The following LGR6 variants were observed in gnomAD, a reference collection of about 807,000 sequenced individuals.
LGR6 encodes the protein leucine rich repeat containing G protein-coupled receptor 6.
In LGR6, 45 loss-of-function variants were observed where a neutral mutation model predicts 69.4. The observed-to-expected ratio is 0.65, with a 90% CI of 0.51 to 0.83. The LOEUF (loss-of-function observed/expected upper bound fraction) is 0.83, where lower values mean the gene tolerates loss of function less well. Among genes scored for constraint, LGR6 ranks in the 40% least tolerant of loss-of-function variants. LGR6 has a pLI of 0.00. For missense variants in LGR6, 1,108 were observed against 1,246.7 expected (o/e 0.89, Z 1.68); for synonymous variants, 538 against 555.0 (o/e 0.97, Z 0.43).
chr1:202,206,189 T>C (rs986722871), intron 1 of LGR6, among the ~76,000 whole-genome samples: 1 of 152,196 alleles, frequency 6.6e-6, no homozygotes, highest in Admixed American at 6.5e-5. Flanking sequence ...TGTAAACTAA[T>C]CCGCTGCCTT....
chr1:202,243,003 G>A (rs1186711183), intron 4 of LGR6, among the ~76,000 whole-genome samples: 2 of 152,168 alleles, frequency 1.3e-5, no homozygotes, highest in Admixed American at 6.5e-5. Context: ...TTTTATAGAC[G>A]AGCAAACTGA....
At chr1:202,289,000 G>A (rs763237399) in intron 6 of LGR6, among the ~76,000 whole-genome samples, 56 of 152,222 alleles carry the variant, frequency 3.7e-4, no homozygotes, top group Non-Finnish European at 6.8e-4. Flanking sequence ...AGGTCTGATG[G>A]ATCCTGTTCT....
intron 2 of LGR6, among the ~76,000 whole-genome samples, chr1:202,226,700 G>GAGT (rs1167739699): frequency 3.9e-5 from 6 of 152,240 alleles, no homozygotes; most frequent in Non-Finnish European, 7.3e-5. Context: ...TGAGGCTGAA[G>GAGT]AGTAGTGTGG....
At chr1:202,303,442 T>C (rs1572002875) in intron 10 of LGR6, 95 bp downstream of exon 10, 2 of 950,076 alleles carry the variant, frequency 2.1e-6, no homozygotes, top group South Asian at 1.3e-5. Flanking sequence ...TCTAGGTTCC[T>C]TGCTTCCCTT....
chr1:202,238,412 CTTTTTTTTTT>C (rs60376943), intron 4 of LGR6, among the ~76,000 whole-genome samples: 256 of 83,984 alleles, frequency 3.0e-3, no homozygotes, highest in Non-Finnish European at 5.0e-3. Context: ...CAGCCTGATC[CTTTTTTTTTT>C]TTTTTTTTTT....
At chr1:202,281,078 G>A in intron 6 of LGR6, 1 of 528,490 alleles carries the variant, frequency 1.9e-6, no homozygotes, top group Non-Finnish European at 3.3e-6. Flanking sequence ...TGGGAGTTCA[G>A]AATGGCCCAG....
At chr1:202,249,522 T>C (rs375485191) in intron 4 of LGR6, among the ~76,000 whole-genome samples, 1 of 152,234 alleles carries the variant, frequency 6.6e-6, no homozygotes, top group African/African-American at 2.4e-5. Context: ...ATTGGTACAA[T>C]GAACGGCCTA....
At chr1:202,303,896 C>T (rs1028856682) in intron 10 of LGR6, among the ~76,000 whole-genome samples, 1 of 152,186 alleles carries the variant, frequency 6.6e-6, no homozygotes, top group African/African-American at 2.4e-5. Context: ...CTGGGGCTCT[C>T]CTCTGTGCCT....
At chr1:202,291,394 G>A (rs776282734) in intron 6 of LGR6, among the ~76,000 whole-genome samples, 1 of 152,174 alleles carries the variant, frequency 6.6e-6, no homozygotes, top group Non-Finnish European at 1.5e-5. Flanking sequence ...GATACACACT[G>A]AGCCTGGTCT....
chr1:202,293,127 A>G (rs572709780), intron 6 of LGR6, among the ~76,000 whole-genome samples: 5 of 152,310 alleles, frequency 3.3e-5, no homozygotes, highest in South Asian at 4.1e-4. Context: ...TGCTCAACCA[A>G]TGTTATCATA....
intron 7 of LGR6, chr1:202,298,641 C>T: frequency 6.6e-6 from 1 of 152,364 alleles, no homozygotes; most frequent in Non-Finnish European, 1.5e-5. Flanking sequence ...CCTGCCTCAG[C>T]CTCCCGAGTT....
At chr1:202,219,836 T>G (rs1056120407) in intron 1 of LGR6, among the ~76,000 whole-genome samples, 1 of 152,218 alleles carries the variant, frequency 6.6e-6, no homozygotes, top group Non-Finnish European at 1.5e-5. Context: ...ATATTAATAA[T>G]AAGGCATAGT....
rs146224606 is a variant in LGR6, at chr1:202,310,231, C to T, written c.1441C>T (p.Pro481Ser). The change falls in exon 16 of 18, where the codon CCC becomes TCC. Residue 481 changes from proline (P) to serine (S), a missense_variant. Physicochemically the swap from Pro to Ser is moderately conservative, Grantham distance 74. Coordinates refer to ENST00000367278, the MANE Select transcript of LGR6 (RefSeq NM_001017403.2). ...GGTGCCTTATGCCTACCAGTGCTGT[C>T]CCTATGGGATGTGTGCCAGCTTCTT... ...LEVPYAYQCCPYGMCASFFKA... is the reference protein window; with the variant it reads ...LEVPYAYQCCSYGMCASFFKA... The T allele has an allele frequency of 1.2e-5, 20 of 1,614,018 alleles. No individual in the cohort carries two copies. In the African/African-American group the frequency reaches 2.3e-4, roughly 18 times the overall value.
At chr1:202,310,606 TGCCTA>T (rs1344798173) in intron 16 of LGR6, among the ~76,000 whole-genome samples, 1 of 152,192 alleles carries the variant, frequency 6.6e-6, no homozygotes, top group Admixed American at 6.5e-5. Context: ...ATGTCTCATC[TGCCTA>T]GCCCTTTGCA....
intron 17 of LGR6, among the ~76,000 whole-genome samples, chr1:202,315,710 C>A (rs946166884): frequency 7.9e-5 from 12 of 152,236 alleles, no homozygotes; most frequent in Non-Finnish European, 1.2e-4. Flanking sequence ...TCCCTTTACC[C>A]TCTCTAAAGC....
chr1:202,201,181 G>A (rs1259880587), intron 1 of LGR6, among the ~76,000 whole-genome samples: 2 of 152,154 alleles, frequency 1.3e-5, no homozygotes, highest in Non-Finnish European at 2.9e-5. Flanking sequence ...GTCTGCTCCA[G>A]CACGGTGAGG....
intron 1 of LGR6, among the ~76,000 whole-genome samples, chr1:202,207,817 A>G (rs1301473679): frequency 1.3e-5 from 2 of 152,190 alleles, no homozygotes; most frequent in Non-Finnish European, 2.9e-5. Context: ...GCACACAGTA[A>G]CCATTCAATG....
chr1:202,224,705 C>T (rs1372480385), intron 1 of LGR6, among the ~76,000 whole-genome samples: 5 of 152,208 alleles, frequency 3.3e-5, no homozygotes, highest in African/African-American at 9.7e-5. Context: ...TTTGCTGCCT[C>T]GGCTGATCTG....
intron 16 of LGR6, among the ~76,000 whole-genome samples, chr1:202,313,309 A>G (rs1363889589): frequency 6.6e-6 from 1 of 152,122 alleles, no homozygotes; most frequent in African/African-American, 2.4e-5. Context: ...TGACTCAGGT[A>G]GAAGTGCTTT....
Sources: allele counts gnomAD v4.1 joint callset (sites outside exome capture counted in the v4.1 genomes callset), GRCh38; gene constraint gnomAD v4.1.1; transcripts MANE v1.5; gene names NCBI Gene and HGNC (gene_info 2026-07-23, HGNC 2026-07-21).